SLC37A2: variants seen among roughly 807,000 people sequenced by gnomAD.
The protein encoded by SLC37A2 is solute carrier family 37 member 2, also known as glucose-6-phosphate exchanger SLC37A2.
A neutral mutation model predicts 70.7 loss-of-function variants in SLC37A2; 59 were observed. That is an observed-to-expected ratio of 0.83 (90% CI 0.68 to 1.04). The LOEUF (loss-of-function observed/expected upper bound fraction) is 1.04, where lower values mean the gene tolerates loss of function less well. Among genes scored for constraint, SLC37A2 ranks in the 50% least tolerant of loss-of-function variants. SLC37A2 has a pLI of 0.00. For synonymous variants in SLC37A2, 257 were observed against 262.1 expected (o/e 0.98, Z 0.19); for missense variants, 580 against 658.1 (o/e 0.88, Z 1.30).
intron 9 of SLC37A2, 123 bp from the exon 10 acceptor site, chr11:125,082,121 T>C: frequency 9.4e-7 from 1 of 1,064,988 alleles, no homozygotes; most frequent in Non-Finnish European, 1.4e-6. Flanking sequence ...CTGGATGTGT[T>C]GGAGGCTGCC....
chr11:125,064,308 CAACA>C (rs1371397358), intron 1 of SLC37A2, among the ~76,000 whole-genome samples: 2 of 152,066 alleles, frequency 1.3e-5, no homozygotes, highest in African/African-American at 4.8e-5. Context: ...CCAGCCTGGC[CAACA>C]TCGTGAGACC....
At chr11:125,074,652 C>G (rs1949064675) in intron 1 of SLC37A2, among the ~76,000 whole-genome samples, 1 of 152,052 alleles carries the variant, frequency 6.6e-6, no homozygotes, top group Admixed American at 6.5e-5. Flanking sequence ...GTGCTGGCAG[C>G]AGGCTGTGCC....
In SLC37A2 at chr11:125,084,215, G is replaced by C; in HGVS notation, c.1040-19G>C. On this transcript the variant is annotated intron_variant, in intron 11 of 17. Transcript: ENST00000403796. The stretch of plus-strand genomic sequence containing the variant: ...GGGTCCTGTCTGGGAGTCAGTGCGT[G>C]AGTGGCTGTGTGTTCCAGGCGGCAT... 3 of 1,614,126 alleles carry C rather than the reference G, an allele frequency of 1.9e-6. No individual in the cohort carries two copies. The highest frequency in any genetic ancestry group is 2.5e-6 in the Non-Finnish European group (3 of 1,179,956).
intron 1 of SLC37A2, among the ~76,000 whole-genome samples, chr11:125,076,454 G>T (rs979001743): frequency 6.6e-6 from 1 of 152,174 alleles, no homozygotes; most frequent in Admixed American, 6.5e-5. Context: ...ACCTCAGGGA[G>T]GTCGACAAAA....
chr11:125,090,388 A>C lies in SLC37A2; in HGVS notation c.*2254A>C, dbSNP rs1142924. The C allele has an allele frequency of 0.77, 116,704 of 152,158 alleles. 45,093 individuals carry two copies. The highest frequency in any genetic ancestry group is 0.87 in the African/African-American group (36,214 of 41,516). 9.4% of individuals were successfully genotyped at this position (152,158 alleles called of 1,614,324 possible). On this transcript the variant is annotated 3_prime_UTR_variant, in exon 18 of 18. Coordinates refer to ENST00000403796, the MANE Select transcript of SLC37A2 (RefSeq NM_001145290.2). ...AAACAGGCCACTCGGCTCTACCAAT[A>C]AGCAGGATGTGGGTGGGGCCAGATA...
chr11:125,063,325 T>A lies in SLC37A2; in HGVS notation c.-43T>A. The A allele has an allele frequency of 6.4e-7, 1 of 1,559,228 alleles. No individual in the cohort carries two copies. The highest frequency in any genetic ancestry group is 2.3e-5 in the East Asian group (1 of 44,022). ...AGCCCGGGACACGCGCCCAGCTCTGTAGCCTCCTCCGTCGACTCAGCCTTA... is the reference window on the plus strand; with the variant it reads ...AGCCCGGGACACGCGCCCAGCTCTGAAGCCTCCTCCGTCGACTCAGCCTTA... On this transcript the variant is annotated 5_prime_UTR_variant, in exon 1 of 18. Coordinates refer to ENST00000403796, the MANE Select transcript of SLC37A2 (RefSeq NM_001145290.2). The surrounding 1 kb of genome is among the most constrained non-coding windows in gnomAD (Gnocchi z 5.4).
At chr11:125,078,283 C>A (rs1949111853) in intron 4 of SLC37A2, among the ~76,000 whole-genome samples, 1 of 152,184 alleles carries the variant, frequency 6.6e-6, no homozygotes, top group African/African-American at 2.4e-5. Context: ...GGGCTGAGGT[C>A]ATTTGCACAT....
intron 8 of SLC37A2, 48 bp downstream of exon 8, chr11:125,081,506 A>C: frequency 6.4e-7 from 1 of 1,574,714 alleles, no homozygotes; most frequent in South Asian, 1.2e-5. Context: ...AACTCCATCC[A>C]GAGGGCTGGA....
intron 9 of SLC37A2, 109 bp downstream of exon 9, chr11:125,082,015 G>A: frequency 7.5e-7 from 1 of 1,331,750 alleles, no homozygotes; most frequent in Non-Finnish European, 1.0e-6. Flanking sequence ...CTTCTTTATA[G>A]GGGAGGTGTA....
At chr11:125,075,631 G>T (rs1231938920) in intron 1 of SLC37A2, among the ~76,000 whole-genome samples, 2 of 152,256 alleles carry the variant, frequency 1.3e-5, no homozygotes, top group Non-Finnish European at 2.9e-5. Context: ...CGATCCAGGG[G>T]CAAAGTGAGA....
chr11:125,080,776 C>T lies in SLC37A2; in HGVS notation c.690C>T (p.Ile230=), dbSNP rs377331754. ...GCGTCATCACCTTCCTCTTCCTCAT[C>T]GAACGTGAGTGGGCCCCTCACTCCC... ...VMGVITFLFL[I]EHPEDVDCAP... is the part of the protein sequence containing the mutation. The change falls in exon 7 of 18, where the codon ATC becomes ATT. Residue 230 remains isoleucine (I), a synonymous_variant. Transcript: ENST00000403796. This position sits in a 1 kb window ranked among gnomAD's most constrained non-coding sequence, Gnocchi z 4.3. The T allele has an allele frequency of 8.9e-5, 132 of 1,476,268 alleles. No homozygotes were observed. Among genetic ancestry groups the T allele is most frequent in the Non-Finnish European group, 1.1e-4 (121 of 1,105,560 alleles). 91.4% of individuals were successfully genotyped at this position (1,476,268 alleles called of 1,614,324 possible).
intron 6 of SLC37A2, 65 bp downstream of exon 6, chr11:125,079,825 C>G: frequency 1.6e-6 from 2 of 1,254,800 alleles, no homozygotes; most frequent in Non-Finnish European, 2.3e-6. Context: ...AGCTGGTCAC[C>G]GTGGCCTCTG....
At chr11:125,068,701 T>C (rs1288200359) in intron 1 of SLC37A2, among the ~76,000 whole-genome samples, 1 of 152,210 alleles carries the variant, frequency 6.6e-6, no homozygotes, top group African/African-American at 2.4e-5. Context: ...TTGCCTGGTA[T>C]ACAGGAAGCA....
chr11:125,086,497 C>T (rs1949216967), intron 17 of SLC37A2: 1 of 530,610 alleles, frequency 1.9e-6, no homozygotes, highest in Admixed American at 3.2e-5. Context: ...TGGACATGCC[C>T]TCGGGGACAG....
intron 1 of SLC37A2, among the ~76,000 whole-genome samples, chr11:125,076,346 G>C (rs1949087627): frequency 1.3e-5 from 2 of 152,062 alleles, no homozygotes; most frequent in African/African-American, 2.4e-5. Context: ...TCTCCCGACT[G>C]TCTCCCTCCT....
At chr11:125,069,872 T>C (rs1949014182) in intron 1 of SLC37A2, among the ~76,000 whole-genome samples, 1 of 152,222 alleles carries the variant, frequency 6.6e-6, no homozygotes, top group Non-Finnish European at 1.5e-5. Context: ...TGACAATGAA[T>C]GGCTTGTCCA....
At chr11:125,076,709 C>T in intron 1 of SLC37A2, 48 bp from the exon 2 acceptor site, 1 of 1,583,060 alleles carries the variant, frequency 6.3e-7, no homozygotes, top group Non-Finnish European at 8.7e-7. Flanking sequence ...CCAGAACTTC[C>T]AGCTGGGGCT....
At position 125,083,994 on chromosome 11, in the gene SLC37A2, T is replaced by C; in HGVS notation, c.1039+117T>C. The C allele has an allele frequency of 9.2e-7, 1 of 1,091,320 alleles. No homozygotes were observed. The highest frequency in any genetic ancestry group is 2.0e-5 in the Admixed American group (1 of 50,164). 67.6% of individuals were successfully genotyped at this position (1,091,320 alleles called of 1,614,324 possible). A position where few individuals can be genotyped will look rare whatever the true frequency, so the allele number is the denominator to read the frequency against. On this transcript the variant is annotated intron_variant, in intron 11 of 17. Coordinates refer to ENST00000403796, the MANE Select transcript of SLC37A2 (RefSeq NM_001145290.2). This position sits in a 1 kb window ranked among gnomAD's most constrained non-coding sequence, Gnocchi z 4.6. ...TGGGTAGGTGGCACCAGAGGAAAAATGGCTCCTGGGTTTATTCTCAGCTCT... is the reference window on the plus strand; with the variant it reads ...TGGGTAGGTGGCACCAGAGGAAAAACGGCTCCTGGGTTTATTCTCAGCTCT...
rs552584880 is a variant in SLC37A2 at position 125,066,967 on chromosome 11, TTTATTTTATTTTA to T, written c.59+3544_59+3556del. On this transcript the variant is annotated intron_variant, in intron 1 of 17. Coordinates refer to ENST00000403796, the MANE Select transcript of SLC37A2 (RefSeq NM_001145290.2). ...AGGAAAGTTGCAGCCTAGTAACTAT[TTTATTTTATTTTA>T]TTTTATTTTATTTTTTCGAGACAAA... Among the ~76,000 whole-genome samples the T allele has an allele frequency of 2.4e-3, 359 of 151,830 alleles. 1 individual carries two copies. Among genetic ancestry groups the T allele is most frequent in the African/African-American group, 8.2e-3 (338 of 41,332 alleles).
Sources: gnomAD v4.1 joint callset for allele counts (sites outside exome capture counted in the v4.1 genomes callset) on GRCh38, gnomAD v4.1.1 for gene constraint, Gnocchi (gnomAD v3.1) non-coding constraint, MANE v1.5 for transcripts, NCBI Gene and HGNC (gene_info 2026-07-23, HGNC 2026-07-21) for gene names.